Variants in CACNA1C observed in about 807,000 individuals in gnomAD.
CACNA1C encodes voltage-dependent L-type calcium channel subunit alpha-1C.
CACNA1C carries 30 observed loss-of-function variants against 229.0 expected under a neutral mutation model. That is an observed-to-expected ratio of 0.13 (90% CI 0.10 to 0.18). CACNA1C has a LOEUF of 0.18. CACNA1C is among the 10% of genes least tolerant of loss of function. The pLI is 1.00. For synonymous variants in CACNA1C, 1,114 were observed against 1,132.5 expected (o/e 0.98, Z 0.33); for missense variants, 1,658 against 2,845.0 (o/e 0.58, Z 9.49).
chr12:2,450,097 A>T (rs1052980148), intron 4 of CACNA1C, among the ~76,000 whole-genome samples: 27 of 148,210 alleles, frequency 1.8e-4, no homozygotes, highest in African/African-American at 5.6e-4. Context: ...GTAGCATAAG[A>T]TAAGGTAGAG....
At chr12:2,001,025 G>A (rs938976530) in intron 1 of CACNA1C, among the ~76,000 whole-genome samples, 4 of 138,792 alleles carry the variant, frequency 2.9e-5, no homozygotes, top group East Asian at 2.1e-4. Context: ...GAACAAGAGC[G>A]AGACTTCGTC....
At chr12:2,264,108 C>G (rs980127766) in intron 3 of CACNA1C, among the ~76,000 whole-genome samples, 1 of 152,182 alleles carries the variant, frequency 6.6e-6, no homozygotes, top group Non-Finnish European at 1.5e-5. Flanking sequence ...TCACGGGTGG[C>G]AAGAGGCAGG....
chr12:2,017,419 G>T lies in CACNA1C; in HGVS notation c.139+46218G>T, dbSNP rs555522349. ...CTTCAAGAACGCTCAAGCATTTATG[G>T]GTTTCAGAATGATACAAGATAACTG... On this transcript the variant is annotated intron_variant, in intron 1 of 46. Coordinates refer to the CACNA1C transcript ENST00000682462. 9.2e-5 allele frequency among the ~76,000 whole-genome samples: 14 copies of T among 152,260 alleles called. No individual in the cohort carries two copies. In the East Asian group the frequency reaches 9.7e-4, roughly 10 times the overall value.
chr12:2,490,748 CAT>C (rs754144385), intron 6 of CACNA1C, among the ~76,000 whole-genome samples: 2 of 152,198 alleles, frequency 1.3e-5, no homozygotes, highest in Non-Finnish European at 2.9e-5. Context: ...TTTTAAAAGT[CAT>C]AAAAAGTTGT....
intron 34 of CACNA1C, among the ~76,000 whole-genome samples, chr12:2,663,135 CT>C (rs1051372051): frequency 1.3e-5 from 2 of 152,006 alleles, no homozygotes; most frequent in African/African-American, 4.8e-5. Flanking sequence ...TAAATTTGAC[CT>C]CATTGAAATA....
intron 3 of CACNA1C, among the ~76,000 whole-genome samples, chr12:2,211,972 C>G (rs1566429837): frequency 6.6e-6 from 1 of 152,106 alleles, no homozygotes; most frequent in Non-Finnish European, 1.5e-5. Context: ...CCACCCGCCT[C>G]AGCCTCCCAA....
intron 1 of CACNA1C, among the ~76,000 whole-genome samples, chr12:2,112,435 G>GT (rs1322282514): frequency 6.4e-5 from 5 of 77,536 alleles, no homozygotes; most frequent in Admixed American, 1.3e-4. Context: ...CACGTCCTCC[G>GT]TGAGCCTGAT....
At chr12:2,158,719 C>T (rs1267754927) in intron 3 of CACNA1C, among the ~76,000 whole-genome samples, 1 of 151,972 alleles carries the variant, frequency 6.6e-6, no homozygotes, top group Non-Finnish European at 1.5e-5. Context: ...AAAAGAGAAA[C>T]ATTTTCAGAT....
At chr12:1,991,207 TAC>T (rs2039330672) in intron 1 of CACNA1C, 1 of 456,202 alleles carries the variant, frequency 2.2e-6, no homozygotes, top group South Asian at 1.5e-5. Flanking sequence ...TGTGGGTTTT[TAC>T]ACAGTCTGCC....
chr12:2,383,347 C>T (rs1449680239), intron 3 of CACNA1C, among the ~76,000 whole-genome samples: 1 of 152,144 alleles, frequency 6.6e-6, no homozygotes, highest in African/African-American at 2.4e-5. Flanking sequence ...CCTGGTCTTA[C>T]TGTCATTGGA....
In CACNA1C at chr12:2,633,997, G is replaced by A. The variant is rs568836802; in HGVS notation, c.3829-300G>A. 3.3e-5 allele frequency among the ~76,000 whole-genome samples: 5 copies of A among 152,170 alleles called. No homozygotes were observed. The highest frequency in any genetic ancestry group is 4.8e-5 in the African/African-American group (2 of 41,526). ...GGAGTGGCGGTGCAGGGGACACACC[G>A]CCCGGCTCCCCGGGGCGGCCACAGC... On this transcript the variant is annotated intron_variant, in intron 29 of 46. Transcript: ENST00000399655. This position sits in a 1 kb window ranked among gnomAD's most constrained non-coding sequence, Gnocchi z 5.8.
chr12:2,018,511 A>C (rs1026865522), intron 1 of CACNA1C, among the ~76,000 whole-genome samples: 1 of 152,168 alleles, frequency 6.6e-6, no homozygotes, highest in African/African-American at 2.4e-5. Flanking sequence ...GGAAGCTAGA[A>C]TGTTGAGAGG....
At chr12:2,543,772 A>G (rs1339063905) in intron 9 of CACNA1C, among the ~76,000 whole-genome samples, 1 of 152,218 alleles carries the variant, frequency 6.6e-6, no homozygotes, top group African/African-American at 2.4e-5. Flanking sequence ...CTTGGCCCCC[A>G]TGAAAGACCA....
intron 1 of CACNA1C, among the ~76,000 whole-genome samples, chr12:2,063,041 C>G (rs899074854): frequency 6.6e-6 from 1 of 152,198 alleles, no homozygotes; most frequent in Non-Finnish European, 1.5e-5. Context: ...AAAAAATACC[C>G]TTTACCCATT....
chr12:2,455,215 G>A (rs544528827), intron 4 of CACNA1C, among the ~76,000 whole-genome samples: 30 of 152,192 alleles, frequency 2.0e-4, no homozygotes, highest in East Asian at 5.8e-4. Flanking sequence ...TTGACTCCAC[G>A]CCCACTTCTA....
chr12:2,257,339 C>T (rs1021754891), intron 3 of CACNA1C, among the ~76,000 whole-genome samples: 28 of 152,190 alleles, frequency 1.8e-4, no homozygotes, highest in African/African-American at 5.8e-4. Flanking sequence ...TCTAGCACAG[C>T]GGTCTCCAAC....
chr12:2,445,506 G>A (rs1284224917), intron 3 of CACNA1C, among the ~76,000 whole-genome samples: 3 of 152,176 alleles, frequency 2.0e-5, no homozygotes, highest in Non-Finnish European at 1.5e-5. Context: ...CAGGACAAAT[G>A]TTACATGGCA....
In CACNA1C at chr12:2,346,048, A is replaced by G. The variant is rs2097005538; in HGVS notation, c.478-102928A>G. ...ATGGCAGTGATGGGAGGAGGCTGAG[A>G]TAGTGCTGAAGATGCACAGCCTCTG... On this transcript the variant is annotated intron_variant, in intron 3 of 46. Coordinates refer to ENST00000399655, the MANE Select transcript of CACNA1C (RefSeq NM_000719.7). This position sits in a 1 kb window ranked among gnomAD's most constrained non-coding sequence, Gnocchi z 4.4. Among the ~76,000 whole-genome samples, 1 of 152,140 alleles carries G rather than the reference A, an allele frequency of 6.6e-6. No homozygotes were observed. Among genetic ancestry groups the G allele is most frequent in the African/African-American group, 2.4e-5 (1 of 41,434 alleles).
chr12:2,616,162 AC>A lies in CACNA1C; in HGVS notation c.3828+4152del, dbSNP rs1356602198. On this transcript the variant is annotated intron_variant, in intron 29 of 46. Transcript: ENST00000399655. ...GAGAATGGTCCAGAGGGGAGAATGG[AC>A]CCAGAGTGAAAGCACTCATTGGCCC... Among the ~76,000 whole-genome samples the A allele has an allele frequency of 7.9e-5, 12 of 152,234 alleles. No individual in the cohort carries two copies. The East Asian group carries it at 2.1e-3, about 27-fold the overall frequency.
Sources: gnomAD v4.1 joint callset for allele counts (sites outside exome capture counted in the v4.1 genomes callset) on GRCh38, gnomAD v4.1.1 for gene constraint, Gnocchi (gnomAD v3.1) non-coding constraint, MANE v1.5 for transcripts, NCBI Gene and HGNC (gene_info 2026-07-23, HGNC 2026-07-21) for gene names.